Variants in NPTN observed in about 807,000 individuals in gnomAD.
The protein encoded by NPTN is neuroplastin, also known as SDR-1.
NPTN carries 5 observed loss-of-function variants against 42.7 expected under a neutral mutation model. That is an observed-to-expected ratio of 0.12 (90% CI 0.06 to 0.25). The LOEUF (loss-of-function observed/expected upper bound fraction) is 0.25, where lower values mean the gene tolerates loss of function less well. NPTN is among the 10% of genes least tolerant of loss of function. The pLI, the probability that NPTN is intolerant of heterozygous loss-of-function variation, is 1.00. For missense variants in NPTN, 307 were observed against 525.4 expected (o/e 0.58, Z 4.06); for synonymous variants, 180 against 201.9 (o/e 0.89, Z 0.92).
intron 2 of NPTN, among the ~76,000 whole-genome samples, chr15:73,593,573 T>C (rs924892636): frequency 1.5e-4 from 23 of 152,178 alleles, no homozygotes; most frequent in Non-Finnish European, 7.3e-5. Flanking sequence ...GGAACTAAGT[T>C]GCTTGCTGTT....
chr15:73,618,995 G>A (rs1483894115), intron 1 of NPTN, among the ~76,000 whole-genome samples: 1 of 150,634 alleles, frequency 6.6e-6, no homozygotes, highest in East Asian at 1.9e-4. Flanking sequence ...GGAAGTCGAG[G>A]CTGCAGTGAG....
At chr15:73,565,821 C>T (rs546695906) in intron 6 of NPTN, 9 of 456,078 alleles carry the variant, frequency 2.0e-5, no homozygotes, top group East Asian at 1.4e-4. Context: ...TCTTCCCAAC[C>T]GAATGGACCA....
At chr15:73,577,961 C>T (rs939363997) in intron 4 of NPTN, among the ~76,000 whole-genome samples, 3 of 152,048 alleles carry the variant, frequency 2.0e-5, no homozygotes, top group African/African-American at 7.2e-5. Context: ...TCTGGTCTCC[C>T]AGCAAAAAAG....
intron 1 of NPTN, among the ~76,000 whole-genome samples, chr15:73,625,811 T>A (rs1006733403): frequency 2.0e-5 from 3 of 152,194 alleles, no homozygotes; most frequent in African/African-American, 7.2e-5. Context: ...AACTAGATGA[T>A]GAATACACAG....
intron 1 of NPTN, among the ~76,000 whole-genome samples, chr15:73,612,571 T>A (rs936458711): frequency 1.3e-5 from 2 of 151,830 alleles, no homozygotes; most frequent in Non-Finnish European, 2.9e-5. Flanking sequence ...ATTGAGACCA[T>A]CCTGGCTAAC....
At chr15:73,588,978 G>C (rs1896456492) in intron 3 of NPTN, among the ~76,000 whole-genome samples, 1 of 152,170 alleles carries the variant, frequency 6.6e-6, no homozygotes, top group African/African-American at 2.4e-5. Flanking sequence ...CACAAACACA[G>C]AGTGAATATC....
chr15:73,573,914 T>C (rs372460520), intron 4 of NPTN, 119 bp from the exon 5 acceptor site: 1 of 1,282,690 alleles, frequency 7.8e-7, no homozygotes. Flanking sequence ...CTTACTGTCA[T>C]ACTCAGCTTT....
chr15:73,563,285 C>A, intron 6 of NPTN, 28 bp from the exon 7 acceptor site: 1 of 1,612,764 alleles, frequency 6.2e-7, no homozygotes, highest in South Asian at 1.1e-5. Flanking sequence ...TTTTAAAAAT[C>A]CATGAGAGAT....
intron 4 of NPTN, among the ~76,000 whole-genome samples, chr15:73,582,974 T>C (rs950386844): frequency 3.3e-5 from 5 of 152,198 alleles, no homozygotes; most frequent in Non-Finnish European, 7.3e-5. Context: ...AGGCAGCCTA[T>C]TGTGGGACCT....
At chr15:73,591,216 T>C (rs1896572877) in intron 3 of NPTN, among the ~76,000 whole-genome samples, 1 of 152,240 alleles carries the variant, frequency 6.6e-6, no homozygotes, top group African/African-American at 2.4e-5. Context: ...TTGCTATCAC[T>C]GGATACACAG....
At position 73,633,247 on chromosome 15, in the gene NPTN, G is replaced by A. The variant is rs540229058; in HGVS notation, c.-32C>T. On this transcript the variant is annotated 5_prime_UTR_variant, in exon 1 of 9. Transcript: ENST00000345330. ...TAGCAGAAGACCCAACAGCGAATGG[G>A]CCGGGGCCAGAGCCGGGGCCGGGGA... 1.0e-5 allele frequency: 15 copies of A among 1,443,780 alleles called. No individual in the cohort carries two copies. In the African/African-American group the frequency reaches 1.6e-4, roughly 16 times the overall value. The allele number at this position is 1,443,780 out of a possible 1,614,324, so 89.4% of individuals were successfully genotyped here. A position where few individuals can be genotyped will look rare whatever the true frequency, so the allele number is the denominator to read the frequency against.
rs1441882056 is a variant in NPTN at position 73,569,139 on chromosome 15, C to T, written c.1114+1011G>A. ...CCACTGAGCCCAGGGGCACACCCATCTGTCTAGTCTAGCCAGGGACAGACT... is the reference window on the plus strand; with the variant it reads ...CCACTGAGCCCAGGGGCACACCCATTTGTCTAGTCTAGCCAGGGACAGACT... On this transcript the variant is annotated intron_variant, in intron 6 of 8. Transcript: ENST00000345330. The surrounding 1 kb of genome is among the most constrained non-coding windows in gnomAD (Gnocchi z 4.1). The T allele has an allele frequency of 1.0e-6, 1 of 985,552 alleles. No homozygotes were observed. Among genetic ancestry groups the T allele is most frequent in the Non-Finnish European group, 1.2e-6 (1 of 830,010 alleles). 61.1% of individuals were successfully genotyped at this position (985,552 alleles called of 1,614,324 possible).
chr15:73,568,313 A>T, intron 6 of NPTN: 1 of 985,462 alleles, frequency 1.0e-6, no homozygotes, highest in Non-Finnish European at 1.2e-6. Context: ...TTGCCTTAAA[A>T]TTTAAAAATC....
intron 1 of NPTN, among the ~76,000 whole-genome samples, chr15:73,603,245 A>G (rs546441110): frequency 1.3e-5 from 2 of 152,238 alleles, no homozygotes; most frequent in African/African-American, 2.4e-5. Flanking sequence ...TAAGCACTCA[A>G]TAATGTTAGC....
At chr15:73,576,244 G>C (rs1293696603) in intron 4 of NPTN, among the ~76,000 whole-genome samples, 2 of 152,220 alleles carry the variant, frequency 1.3e-5, no homozygotes, top group Non-Finnish European at 2.9e-5. Context: ...GTTGGGTAAG[G>C]CTTTTGTGAT....
chr15:73,594,272 C>A (rs985650538), intron 2 of NPTN, among the ~76,000 whole-genome samples: 4 of 152,104 alleles, frequency 2.6e-5, no homozygotes, highest in African/African-American at 9.7e-5. Flanking sequence ...TGTTTAAATA[C>A]AAGGAGGCCA....
chr15:73,589,148 A>G (rs1896466068), intron 3 of NPTN, among the ~76,000 whole-genome samples: 1 of 152,060 alleles, frequency 6.6e-6, no homozygotes, highest in East Asian at 1.9e-4. Context: ...CCTGGGAAAC[A>G]TGGCGAAACG....
At chr15:73,602,112 T>TA (rs970459167) in intron 1 of NPTN, among the ~76,000 whole-genome samples, 1 of 152,074 alleles carries the variant, frequency 6.6e-6, no homozygotes, top group Non-Finnish European at 1.5e-5. Flanking sequence ...CCTAAGGAAG[T>TA]AAAAAAAGCT....
chr15:73,631,866 C>A (rs1898762186), intron 1 of NPTN, among the ~76,000 whole-genome samples: 1 of 152,202 alleles, frequency 6.6e-6, no homozygotes, highest in South Asian at 2.1e-4. Context: ...CAATCAGAAT[C>A]TGCTCTGTTT....
Sources: allele counts gnomAD v4.1 joint callset (sites outside exome capture counted in the v4.1 genomes callset), GRCh38; gene constraint gnomAD v4.1.1; non-coding constraint Gnocchi (gnomAD v3.1); transcripts MANE v1.5; gene names NCBI Gene and HGNC (gene_info 2026-07-23, HGNC 2026-07-21).